Variants in CDC34 observed in about 807,000 individuals in gnomAD.
The protein encoded by CDC34 is ubiquitin-conjugating enzyme E2 R1.
A neutral mutation model predicts 26.8 loss-of-function variants in CDC34; 18 were observed. The ratio of observed to expected loss-of-function variants is 0.67; its 90% CI spans 0.47 to 1.00. The LOEUF is 1.00. Among genes scored for constraint, CDC34 ranks in the 50% least tolerant of loss-of-function variants. The pLI, the probability that CDC34 is intolerant of heterozygous loss-of-function variation, is 0.00. For missense variants in CDC34, 280 were observed against 334.5 expected (o/e 0.84, Z 1.27); for synonymous variants, 178 against 147.5 (o/e 1.21, Z -1.50).
chr19:539,040 C>T (rs1020299599), intron 4 of CDC34: 22 of 979,306 alleles, frequency 2.2e-5, no homozygotes, highest in African/African-American at 1.8e-4. Flanking sequence ...CTCAAAACTC[C>T]CTGTGGGCCA....
chr19:541,293 G>C, intron 4 of CDC34, 46 bp from the exon 5 acceptor site: 1 of 1,483,018 alleles, frequency 6.7e-7, no homozygotes, highest in Non-Finnish European at 8.9e-7. Context: ...GGCAGGGGCC[G>C]AGTCCAGGCA....
rs763970240 is a variant in CDC34, at chr19:537,144, T to C, written c.494T>C (p.Ile165Thr). The C allele has an allele frequency of 1.9e-6, 3 of 1,612,984 alleles. No homozygotes were observed. Among genetic ancestry groups the C allele is most frequent in the Non-Finnish European group, 1.7e-6 (2 of 1,179,834 alleles). ...AAGGATCGGGAGTACACAGACATCA[T>C]CCGGTGAGGGCGGGCGGGGGCGTCA... Reference protein sequence around the residue: ...KGKDREYTDIIRKQVLGTKVD... With the variant: ...KGKDREYTDITRKQVLGTKVD... Residue 165 changes from isoleucine to threonine, a missense_variant, in exon 4 of 5, where the codon ATC (isoleucine) becomes ACC (threonine). Ile to Thr is a moderately conservative substitution (Grantham distance 89). Coordinates refer to ENST00000215574, the MANE Select transcript of CDC34 (RefSeq NM_004359.2).
In CDC34 at chr19:541,414, C is replaced by A. The variant is rs764877152; in HGVS notation, c.573C>A (p.Cys191Ter). ...TGCCCACCACGCTGGCCGAGTACTGCGTGAAGACCAAGGCGCCGGCGCCCG... is the reference window on the plus strand; with the variant it reads ...TGCCCACCACGCTGGCCGAGTACTGAGTGAAGACCAAGGCGCCGGCGCCCG... ...VKVPTTLAEY[C>*]VKTKAPAPDE... Residue 191 changes from cysteine (C) to a stop codon, truncating the protein, a stop_gained, in exon 5 of 5, where the codon TGC (cysteine) becomes TGA (stop). Transcript: ENST00000215574. LOFTEE classifies it high-confidence loss of function. 6.2e-7 allele frequency: 1 copy of A among 1,612,070 alleles called. No individual in the cohort carries two copies. Among genetic ancestry groups the A allele is most frequent in the Non-Finnish European group, 8.5e-7 (1 of 1,179,790 alleles).
In CDC34 at chr19:535,491, G is replaced by A. The variant is rs1979697002; in HGVS notation, c.178-346G>A. Among the ~76,000 whole-genome samples, 4 of 152,336 alleles carry A rather than the reference G, an allele frequency of 2.6e-5. No individual in the cohort carries two copies. The South Asian group carries it at 8.3e-4, about 32-fold the overall frequency. On this transcript the variant is annotated intron_variant, in intron 1 of 4. Transcript: ENST00000215574. ...TGCCAGTCCATTCTGTCTGCTGGTG[G>A]GTGCCCCTGGCCTGGGTCCCATATG...
At position 535,838 on chromosome 19, in the gene CDC34, C is replaced by T; in HGVS notation, c.179C>T (p.Ala60Val). The stretch of plus-strand genomic sequence containing the variant: ...GCCACCTGCCTTCTGCCCCTGCAGG[C>T]GCGCCTCAAGTTCCCCATCGACTAC... The part of the protein sequence containing the change: ...NTYYEGGYFK[A>V]RLKFPIDYPY... The change falls in exon 2 of 5, where the codon GCG (alanine) becomes GTG (valine). Residue 60 changes from alanine (A) to valine (V), a missense_variant and splice_region_variant. By Grantham distance (64) the Ala-to-Val change is moderately conservative. Transcript: ENST00000215574. 3 of 1,613,144 alleles carry T rather than the reference C, an allele frequency of 1.9e-6. No individual in the cohort carries two copies. Among genetic ancestry groups the T allele is most frequent in the Non-Finnish European group, 1.7e-6 (2 of 1,179,534 alleles).
At chr19:537,415 C>T (rs904047274) in intron 4 of CDC34, among the ~76,000 whole-genome samples, 9 of 152,122 alleles carry the variant, frequency 5.9e-5, no homozygotes, top group African/African-American at 1.9e-4. Context: ...TGCAGTGGCG[C>T]GATCTCGGCT....
At chr19:532,177 C>T (rs1260340087) in intron 1 of CDC34, 69 bp downstream of exon 1, 11 of 1,297,886 alleles carry the variant, frequency 8.5e-6, no homozygotes, top group African/African-American at 1.6e-5. Flanking sequence ...AACCAGCTCC[C>T]TGCCCCGCGG....
At chr19:538,876 T>C in intron 4 of CDC34, 1 of 985,132 alleles carries the variant, frequency 1.0e-6, no homozygotes, top group Non-Finnish European at 1.2e-6. Flanking sequence ...GCCCTGGCCG[T>C]CCCTCTGGTG....
At position 535,873 on chromosome 19, in the gene CDC34, CCA is replaced by C; in HGVS notation, c.216_217del (p.Pro73SerfsTer12). 2 of 1,613,982 alleles carry C rather than the reference CCA, an allele frequency of 1.2e-6. No individual in the cohort carries two copies. Among genetic ancestry groups the C allele is most frequent in the Non-Finnish European group, 1.7e-6 (2 of 1,180,002 alleles). On this transcript the variant is annotated frameshift_variant, in exon 2 of 5. Coordinates refer to ENST00000215574, the MANE Select transcript of CDC34 (RefSeq NM_004359.2). LOFTEE classifies it high-confidence loss of function. ...GTTCCCCATCGACTACCCATACTCT[CCA>C]CCAGCCTTTCGGTTCCTGACCAAGA... ...LKFPIDYPYS[P>X]PAFRFLTKMW...
chr19:539,230 G>T (rs1396966202), intron 4 of CDC34, among the ~76,000 whole-genome samples: 2 of 152,138 alleles, frequency 1.3e-5, no homozygotes, highest in Non-Finnish European at 2.9e-5. Flanking sequence ...CCGTCCTCCA[G>T]CTCATGCTGG....
In CDC34 at chr19:541,473, A is replaced by T; in HGVS notation, c.632A>T (p.Tyr211Phe). The change falls in exon 5 of 5, where the codon TAC becomes TTC. Residue 211 changes from tyrosine (Y) to phenylalanine (F), a missense_variant. By Grantham distance (22) the Tyr-to-Phe change is conservative. Coordinates refer to ENST00000215574, the MANE Select transcript of CDC34 (RefSeq NM_004359.2). ...EGSDLFYDDY[Y>F]EDGEVEEEAD... is the part of the protein sequence containing the mutation. ...TCAGACCTCTTCTACGACGACTACT[A>T]CGAGGACGGCGAGGTGGAGGAGGAG... 6.2e-7 allele frequency: 1 copy of T among 1,612,300 alleles called. No homozygotes were observed. Among genetic ancestry groups the T allele is most frequent in the South Asian group, 1.1e-5 (1 of 91,038 alleles).
At chr19:534,327 C>T (rs1054856788) in intron 1 of CDC34, among the ~76,000 whole-genome samples, 1 of 151,838 alleles carries the variant, frequency 6.6e-6, no homozygotes, top group Non-Finnish European at 1.5e-5. Flanking sequence ...GCGTGCCCTC[C>T]CTGTCCAGGA....
chr19:537,949 A>C (rs1404494773), intron 4 of CDC34, among the ~76,000 whole-genome samples: 1 of 152,168 alleles, frequency 6.6e-6, no homozygotes, highest in Non-Finnish European at 1.5e-5. Context: ...GAGCCACTGC[A>C]CCTGGCCTGG....
intron 4 of CDC34, 115 bp downstream of exon 4, chr19:537,262 G>C (rs1342472435): frequency 8.0e-7 from 1 of 1,243,360 alleles, no homozygotes; most frequent in Non-Finnish European, 1.1e-6. Context: ...GGAGCTTCCT[G>C]GTGCCCATTT....
chr19:536,182 T>TG, intron 2 of CDC34, 61 bp from the exon 3 acceptor site: 1 of 1,343,554 alleles, frequency 7.4e-7, no homozygotes, highest in Non-Finnish European at 1.0e-6. Flanking sequence ...CTCCGGGACC[T>TG]GGGGCACTGG....
intron 4 of CDC34, 90 bp downstream of exon 4, chr19:537,237 C>T (rs1159446769): frequency 6.8e-7 from 1 of 1,468,182 alleles, no homozygotes; most frequent in East Asian, 2.3e-5. Flanking sequence ...GCCCCACCTT[C>T]CTGGTGAGGG....
chr19:535,322 G>A (rs946105723), intron 1 of CDC34, among the ~76,000 whole-genome samples: 1 of 152,228 alleles, frequency 6.6e-6, no homozygotes, highest in Non-Finnish European at 1.5e-5. Context: ...CCCCTCCCAC[G>A]GCCTGGGCCA....
rs1487681246 is a variant in CDC34, at chr19:540,785, CTGGGATGGCCAGGCCCCCCG to C, written c.498-553_498-534del. ...GGCCCCCGGGTTTAGAATCCAGAGGCTGGGATGGCCAGGCCCCCCGGTTTAGAATCCGGAGGCCGGGGTGG... is the reference window on the plus strand; with the variant it reads ...GGCCCCCGGGTTTAGAATCCAGAGGCGTTTAGAATCCGGAGGCCGGGGTGG... On this transcript the variant is annotated intron_variant, in intron 4 of 4. Coordinates refer to ENST00000215574, the MANE Select transcript of CDC34 (RefSeq NM_004359.2). 7.0e-4 allele frequency among the ~76,000 whole-genome samples: 30 copies of C among 43,070 alleles called. 2 individuals are homozygous for C. The highest frequency in any genetic ancestry group is 0.012 in the Middle Eastern group (1 of 84). 28.3% of individuals were successfully genotyped at this position (43,070 alleles called of 152,430 possible). A position where few individuals can be genotyped will look rare whatever the true frequency, so the allele number is the denominator to read the frequency against.
chr19:537,195 T>C (rs1018913558), intron 4 of CDC34, 48 bp downstream of exon 4: 1 of 1,601,090 alleles, frequency 6.2e-7, no homozygotes, highest in Non-Finnish European at 8.5e-7. Context: ...AGATCCGGCC[T>C]GCACCCCGGC....
Sources: gnomAD v4.1 joint callset for allele counts (sites outside exome capture counted in the v4.1 genomes callset) on GRCh38, gnomAD v4.1.1 for gene constraint, MANE v1.5 for transcripts, NCBI Gene and HGNC (gene_info 2026-07-23, HGNC 2026-07-21) for gene names.